Variants in ARHGAP42 observed in about 807,000 individuals in gnomAD.
The protein encoded by ARHGAP42 is rho GTPase-activating protein 42.
Under a neutral mutation model 125.0 loss-of-function variants are expected in ARHGAP42, and 63 were observed. That is an observed-to-expected ratio of 0.50 (90% CI 0.41 to 0.62). The LOEUF (loss-of-function observed/expected upper bound fraction) is 0.62, where lower values mean the gene tolerates loss of function less well. ARHGAP42 is among the 20% of genes least tolerant of loss of function. The pLI, the probability that ARHGAP42 is intolerant of heterozygous loss-of-function variation, is 0.00. For missense variants in ARHGAP42, 766 were observed against 1,024.2 expected (o/e 0.75, Z 3.44); for synonymous variants, 339 against 351.0 (o/e 0.97, Z 0.38).
At chr11:100,741,538 A>G (rs887835435) in intron 1 of ARHGAP42, among the ~76,000 whole-genome samples, 6 of 152,192 alleles carry the variant, frequency 3.9e-5, no homozygotes, top group African/African-American at 1.4e-4. Context: ...TGCAGCCTCT[A>G]GTCCAGATTG....
intron 2 of ARHGAP42, among the ~76,000 whole-genome samples, chr11:100,778,009 T>C (rs760253514): frequency 6.6e-5 from 10 of 152,054 alleles, no homozygotes; most frequent in Non-Finnish European, 1.5e-4. Flanking sequence ...GCCCCAGTTC[T>C]ATAAAAAGTA....
At chr11:100,736,123 G>A (rs1305051268) in intron 1 of ARHGAP42, among the ~76,000 whole-genome samples, 1 of 152,198 alleles carries the variant, frequency 6.6e-6, no homozygotes. Flanking sequence ...AGGGCAATGG[G>A]AGATGATAAT....
At chr11:100,754,821 G>A (rs1442894426) in intron 1 of ARHGAP42, among the ~76,000 whole-genome samples, 1 of 152,132 alleles carries the variant, frequency 6.6e-6, no homozygotes, top group Non-Finnish European at 1.5e-5. Context: ...TTTCATTAAA[G>A]TATATTTTTT....
intron 1 of ARHGAP42, among the ~76,000 whole-genome samples, chr11:100,747,240 T>G (rs752293953): frequency 1.7e-4 from 26 of 152,224 alleles, no homozygotes; most frequent in Non-Finnish European, 3.7e-4. Context: ...GGTGCCTTCT[T>G]GTTGAGAAAT....
intron 1 of ARHGAP42, among the ~76,000 whole-genome samples, chr11:100,749,273 C>T (rs553390633): frequency 6.6e-6 from 1 of 151,352 alleles, no homozygotes; most frequent in East Asian, 2.0e-4. Context: ...AAGGCTCAAC[C>T]TCTCAAACAA....
At chr11:100,939,379 G>C (rs959861615) in intron 8 of ARHGAP42, among the ~76,000 whole-genome samples, 3 of 151,948 alleles carry the variant, frequency 2.0e-5, no homozygotes, top group Non-Finnish European at 4.4e-5. Context: ...TTACTATTGG[G>C]TTCTTACTAT....
At chr11:100,702,927 G>A (rs1335839323) in intron 1 of ARHGAP42, among the ~76,000 whole-genome samples, 1 of 143,196 alleles carries the variant, frequency 7.0e-6, no homozygotes, top group Non-Finnish European at 1.5e-5. Flanking sequence ...CTCCCAAAGT[G>A]CGGGGATTAC....
At chr11:100,786,624 G>T (rs1863441540) in intron 2 of ARHGAP42, among the ~76,000 whole-genome samples, 2 of 152,220 alleles carry the variant, frequency 1.3e-5, no homozygotes, top group African/African-American at 4.8e-5. Context: ...GTTGTTTTAA[G>T]CTAGTTCTGG....
Position 100,687,617 on chromosome 11 carries a change from C to T in ARHGAP42, c.-62C>T. 1 of 1,202,912 alleles carries T rather than the reference C, an allele frequency of 8.3e-7. No individual in the cohort carries two copies. Among genetic ancestry groups the T allele is most frequent in the Non-Finnish European group, 1.0e-6 (1 of 964,738 alleles). The allele number at this position is 1,202,912 out of a possible 1,614,324, so 74.5% of individuals were successfully genotyped here. On this transcript the variant is annotated 5_prime_UTR_variant, in exon 1 of 24. Transcript: ENST00000298815. ...CCCCAGCGCCCGCCGCGGCCGCCGG[C>T]TGCCCCCGCCCTGACCTCCGGCCCG...
chr11:100,938,209 C>G (rs1157445629), intron 8 of ARHGAP42, among the ~76,000 whole-genome samples: 3 of 152,094 alleles, frequency 2.0e-5, no homozygotes, highest in Non-Finnish European at 4.4e-5. Flanking sequence ...TACCTTCTCT[C>G]CATCTCAACT....
chr11:100,810,095 G>A (rs1006190949), intron 3 of ARHGAP42, among the ~76,000 whole-genome samples: 1 of 152,038 alleles, frequency 6.6e-6, no homozygotes. Flanking sequence ...GTTAATAGAT[G>A]TAAATTAATT....
intron 5 of ARHGAP42, among the ~76,000 whole-genome samples, chr11:100,917,471 T>A (rs1287739027): frequency 1.3e-5 from 2 of 152,166 alleles, no homozygotes; most frequent in Non-Finnish European, 2.9e-5. Context: ...CAATTCCTAG[T>A]GATATGTGAA....
intron 17 of ARHGAP42, among the ~76,000 whole-genome samples, chr11:100,970,308 A>G (rs1442351827): frequency 2.0e-5 from 3 of 152,032 alleles, no homozygotes; most frequent in Non-Finnish European, 4.4e-5. Context: ...ATCTTTAGTG[A>G]ACTATTTTAA....
chr11:100,909,439 G>A (rs1326343472), intron 4 of ARHGAP42, among the ~76,000 whole-genome samples: 1 of 151,254 alleles, frequency 6.6e-6, no homozygotes, highest in African/African-American at 2.4e-5. Flanking sequence ...TCTGCTCCAG[G>A]GTTCAAGCGA....
intron 22 of ARHGAP42, among the ~76,000 whole-genome samples, chr11:100,981,409 C>G (rs1055766281): frequency 6.6e-6 from 1 of 151,724 alleles, no homozygotes; most frequent in African/African-American, 2.4e-5. Flanking sequence ...GGGAATTTCC[C>G]TGACCTTCTA....
intron 1 of ARHGAP42, among the ~76,000 whole-genome samples, chr11:100,696,393 G>T (rs1471096340): frequency 1.3e-5 from 2 of 151,578 alleles, no homozygotes; most frequent in South Asian, 2.1e-4. Context: ...CACTCTTGCT[G>T]CCCAGGCTGG....
At chr11:100,790,543 G>C (rs1033546670) in intron 2 of ARHGAP42, among the ~76,000 whole-genome samples, 1 of 152,208 alleles carries the variant, frequency 6.6e-6, no homozygotes, top group Non-Finnish European at 1.5e-5. Context: ...AGTCAGGAAA[G>C]TTTCATGCAG....
chr11:100,770,788 A>T (rs1862955947), intron 2 of ARHGAP42, among the ~76,000 whole-genome samples: 2 of 152,232 alleles, frequency 1.3e-5, no homozygotes, highest in Non-Finnish European at 2.9e-5. Context: ...CATTTTGGTC[A>T]GCCTGGTCTC....
intron 1 of ARHGAP42, among the ~76,000 whole-genome samples, chr11:100,712,141 G>A (rs1414973731): frequency 6.6e-6 from 1 of 151,924 alleles, no homozygotes; most frequent in Non-Finnish European, 1.5e-5. Context: ...GAGTTTTTTC[G>A]GGAACACACC....
Sources: allele counts gnomAD v4.1 joint callset (sites outside exome capture counted in the v4.1 genomes callset), GRCh38; gene constraint gnomAD v4.1.1; transcripts MANE v1.5; gene names NCBI Gene and HGNC (gene_info 2026-07-23, HGNC 2026-07-21).